SH2D6: variants seen among roughly 807,000 people sequenced by gnomAD.
The protein encoded by SH2D6 is SH2 domain containing 6, also known as SH2 domain-containing protein 6.
SH2D6 carries 31 observed loss-of-function variants against 30.2 expected under a neutral mutation model. The observed-to-expected ratio is 1.03, with a 90% CI of 0.77 to 1.38. SH2D6 has a LOEUF of 1.38. Among genes scored for constraint, SH2D6 ranks in the 40% most tolerant of loss-of-function variants. The pLI, the probability that SH2D6 is intolerant of heterozygous loss-of-function variation, is 0.00. For missense variants in SH2D6, 240 were observed against 266.8 expected (o/e 0.90, Z 0.70); for synonymous variants, 93 against 104.6 (o/e 0.89, Z 0.68).
intron 7 of SH2D6, among the ~76,000 whole-genome samples, chr2:85,428,968 A>T (rs1688301114): frequency 6.6e-6 from 1 of 152,258 alleles, no homozygotes. Context: ...TACATCCATC[A>T]AAAAATGAAG....
rs867126272 is a variant in SH2D6 at position 85,436,075 on chromosome 2, G to A, written c.891+251G>A. Among the ~76,000 whole-genome samples the A allele has an allele frequency of 2.0e-5, 3 of 152,174 alleles. No individual in the cohort carries two copies. The South Asian group carries it at 6.2e-4, about 31-fold the overall frequency. On this transcript the variant is annotated intron_variant, in intron 22 of 23. Transcript: ENST00000469800. ...GTGCCTTTAATGAACCCAGCTGGGA[G>A]GAGGGCGGGGTCCAGGATCTTCAGA...
chr2:85,435,032 C>T (rs1427811167), intron 19 of SH2D6, 33 bp from the exon 20 acceptor site: 13 of 1,557,028 alleles, frequency 8.3e-6, no homozygotes, highest in African/African-American at 1.4e-5. Context: ...CCCCACCCCA[C>T]CCCACCCCAG....
At chr2:85,433,214 T>A (rs940233697) in intron 15 of SH2D6, 93 bp downstream of exon 15, 2 of 876,176 alleles carry the variant, frequency 2.3e-6, no homozygotes. Flanking sequence ...CCAGGAAATA[T>A]CCCTGAAACC....
chr2:85,436,334 A>G, intron 22 of SH2D6, 132 bp from the exon 23 acceptor site: 1 of 680,094 alleles, frequency 1.5e-6, no homozygotes. Context: ...GTGGAGCGGC[A>G]TGGGGCAAAC....
rs1227168533 is a variant in SH2D6 at position 85,428,603 on chromosome 2, C to T, written c.-189C>T. On this transcript the variant is annotated 5_prime_UTR_variant, in exon 7 of 24. Transcript: ENST00000469800. ...GCACAGACAAGAGGCCATGTGAGGACACAGAGAAAGCAGCCGTTTACAAGC... is the reference window on the plus strand; with the variant it reads ...GCACAGACAAGAGGCCATGTGAGGATACAGAGAAAGCAGCCGTTTACAAGC... The T allele has an allele frequency of 6.6e-6, 1 of 152,174 alleles. No homozygotes were observed. Among genetic ancestry groups the T allele is most frequent in the African/African-American group, 2.4e-5 (1 of 41,436 alleles). The allele number at this position is 152,174 out of a possible 1,614,324, so 9.4% of individuals were successfully genotyped here.
chr2:85,434,628 A>AACAAAC lies in SH2D6; in HGVS notation c.589+132_589+133insCAAACA, dbSNP rs1553434585. The AACAAAC allele has an allele frequency of 2.9e-6, 4 of 1,369,980 alleles. No individual in the cohort carries two copies. The African/African-American group carries it at 5.9e-5, about 20-fold the overall frequency. The allele number at this position is 1,369,980 out of a possible 1,614,324, so 84.9% of individuals were successfully genotyped here. On this transcript the variant is annotated intron_variant, in intron 19 of 23. Transcript: ENST00000469800. ...CACTTGACTAGACTTAAAAAAAAAA[A>AACAAAC]AAAAAAACTAGGTGAATGCAGGCAT...
Position 85,433,635 on chromosome 2 carries a change from A to T in SH2D6, c.454+4A>T. On this transcript the variant is annotated splice_donor_region_variant and intron_variant, in intron 16 of 23. Coordinates refer to ENST00000469800, the MANE Select transcript of SH2D6 (RefSeq NM_001394463.1). Reference sequence around the variant, plus strand: ...TTGGAATGTGAGCCGGATCCAGGTGAGCCCCTCCCTCAGCTCCAGACCCCT... The same window carrying T: ...TTGGAATGTGAGCCGGATCCAGGTGTGCCCCTCCCTCAGCTCCAGACCCCT... 1 of 1,024,720 alleles carries T rather than the reference A, an allele frequency of 9.8e-7. No homozygotes were observed. The highest frequency in any genetic ancestry group is 1.2e-6 in the Non-Finnish European group (1 of 854,272). 63.5% of individuals were successfully genotyped at this position (1,024,720 alleles called of 1,614,324 possible).
chr2:85,425,386 C>T lies in SH2D6; in HGVS notation c.-230C>T, dbSNP rs1387929376. 1.3e-5 allele frequency: 2 copies of T among 151,596 alleles called. No individual in the cohort carries two copies. Among genetic ancestry groups the T allele is most frequent in the African/African-American group, 2.4e-5 (1 of 41,254 alleles). The allele number at this position is 151,596 out of a possible 1,614,324, so 9.4% of individuals were successfully genotyped here. On this transcript the variant is annotated 5_prime_UTR_variant, in exon 6 of 24. Transcript: ENST00000469800. ...CAAGCTATTCTCCTGCCTCAACAAC[C>T]TCCTGAGGGCTGGGATTACAGGTAC...
chr2:85,436,723 C>A, intron 23 of SH2D6, 114 bp from the exon 24 acceptor site: 1 of 721,908 alleles, frequency 1.4e-6, no homozygotes, highest in Non-Finnish European at 2.4e-6. Context: ...ATGGGGAAAG[C>A]CTGCCTGGAG....
Position 85,436,496 on chromosome 2 carries a change from C to G in SH2D6, c.922C>G (p.His308Asp), listed in dbSNP as rs759934889. The stretch of plus-strand genomic sequence containing the variant: ...CTCCTCCGTGGCGGCCATGGTCCAG[C>G]ACTTCATGTGGCACCCTCTGCCCCT... Reference protein sequence around the residue: ...LFSSVAAMVQHFMWHPLPLVD... With the variant: ...LFSSVAAMVQDFMWHPLPLVD... Residue 308 changes from histidine to aspartate, a missense_variant, in exon 23 of 24, where the codon CAC (histidine) becomes GAC (aspartate). Coordinates refer to ENST00000469800, the MANE Select transcript of SH2D6 (RefSeq NM_001394463.1). 2 of 1,613,694 alleles carry G rather than the reference C, an allele frequency of 1.2e-6. No homozygotes were observed. The highest frequency in any genetic ancestry group is 4.5e-5 in the East Asian group (2 of 44,880).
At position 85,428,151 on chromosome 2, in the gene SH2D6, A is replaced by G. The variant is rs537590132; in HGVS notation, c.-208-433A>G. On this transcript the variant is annotated intron_variant, in intron 6 of 23. Coordinates refer to ENST00000469800, the MANE Select transcript of SH2D6 (RefSeq NM_001394463.1). ...TATCGCCACGCTTCTCAGAAAGTCAAAGTTCCTAAATTCACTCAGGTAACA... is the reference window on the plus strand; with the variant it reads ...TATCGCCACGCTTCTCAGAAAGTCAGAGTTCCTAAATTCACTCAGGTAACA... Among the ~76,000 whole-genome samples, 14 of 152,278 alleles carry G rather than the reference A, an allele frequency of 9.2e-5. No individual in the cohort carries two copies. In the East Asian group the frequency reaches 1.7e-3, roughly 19 times the overall value.
intron 5 of SH2D6, among the ~76,000 whole-genome samples, chr2:85,423,121 C>T (rs1455083758): frequency 2.0e-5 from 3 of 152,220 alleles, no homozygotes; most frequent in African/African-American, 7.2e-5. Flanking sequence ...CTCCTGACCT[C>T]AGGTAATCCG....
intron 13 of SH2D6, 150 bp downstream of exon 13, chr2:85,431,418 T>C (rs1213037182): frequency 6.6e-6 from 1 of 152,166 alleles, no homozygotes; most frequent in African/African-American, 2.4e-5. Flanking sequence ...GCCAGATGCA[T>C]GAGAAGCCAG....
intron 5 of SH2D6, among the ~76,000 whole-genome samples, chr2:85,424,292 C>T (rs1687877747): frequency 1.3e-5 from 2 of 152,198 alleles, no homozygotes; most frequent in African/African-American, 4.8e-5. Context: ...CACATAACCT[C>T]CTGTTGGCCT....
At chr2:85,434,924 A>C in intron 19 of SH2D6, 141 bp from the exon 20 acceptor site, 1 of 1,597,714 alleles carries the variant, frequency 6.3e-7, no homozygotes, top group African/African-American at 1.3e-5. Context: ...GAGTGGAGGA[A>C]GCACTGGGTG....
Position 85,434,475 on chromosome 2 carries a change from A to G in SH2D6, c.567A>G (p.Gly189=). Residue 189 remains glycine (G), a splice_region_variant and synonymous_variant, in exon 19 of 24, where the codon GGA becomes GGG. Coordinates refer to ENST00000469800, the MANE Select transcript of SH2D6 (RefSeq NM_001394463.1). ...PTTAPQETRN[G]TADAASKEGR... ...TGATCAGACCTCCTGTATGCCAGGG[A>G]ACAGCAGATGCTGCCTCTAAAGGTG... The G allele has an allele frequency of 6.4e-7, 1 of 1,550,502 alleles. No individual in the cohort carries two copies. The highest frequency in any genetic ancestry group is 8.7e-7 in the Non-Finnish European group (1 of 1,146,986).
At chr2:85,429,493 T>C (rs11126991) in intron 8 of SH2D6, 25 bp downstream of exon 8, 38,709 of 152,524 alleles carry the variant, frequency 0.25, 6,669 homozygotes, top group African/African-American at 0.48. Context: ...CGGGACGGCC[T>C]CAGGCATGTA....
chr2:85,425,845 C>T (rs1488049024), intron 6 of SH2D6, among the ~76,000 whole-genome samples: 1 of 152,128 alleles, frequency 6.6e-6, no homozygotes, highest in East Asian at 1.9e-4. Context: ...TGTCACCACC[C>T]TCCCAGGGTG....
chr2:85,435,026 A>G (rs748669078), intron 19 of SH2D6, 39 bp from the exon 20 acceptor site: 2 of 303,992 alleles, frequency 6.6e-6, no homozygotes, highest in Non-Finnish European at 4.8e-6. Flanking sequence ...CCCCCACCCC[A>G]CCCCACCCCA....
Sources: gnomAD v4.1 joint callset for allele counts (sites outside exome capture counted in the v4.1 genomes callset) on GRCh38, gnomAD v4.1.1 for gene constraint, MANE v1.5 for transcripts, NCBI Gene and HGNC (gene_info 2026-07-23, HGNC 2026-07-21) for gene names.